The following PCDH15 variants were observed in gnomAD, a reference collection of about 807,000 sequenced individuals.
PCDH15 encodes protocadherin-15.
In PCDH15, 129 loss-of-function variants were observed where a neutral mutation model predicts 178.5. The observed-to-expected ratio is 0.72, with a 90% CI of 0.63 to 0.84. The LOEUF (loss-of-function observed/expected upper bound fraction) is 0.84, where lower values mean the gene tolerates loss of function less well. Among genes scored for constraint, PCDH15 ranks in the 40% least tolerant of loss-of-function variants. The pLI is 0.00. For missense variants in PCDH15, 2,230 were observed against 2,099.9 expected (o/e 1.06, Z -1.21); for synonymous variants, 800 against 732.0 (o/e 1.09, Z -1.50).
At chr10:55,273,626 G>T (rs1842507113) in intron 1 of PCDH15, among the ~76,000 whole-genome samples, 1 of 151,862 alleles carries the variant, frequency 6.6e-6, no homozygotes, top group Admixed American at 6.6e-5. Context: ...TTTTAAAGCT[G>T]CTAAGTTATT....
chr10:54,099,509 AAAAAAT>A (rs2094766520), intron 15 of PCDH15, among the ~76,000 whole-genome samples: 1 of 131,250 alleles, frequency 7.6e-6, no homozygotes, highest in Admixed American at 7.6e-5. Context: ...AAAAAAAAAA[AAAAAAT>A]ATATATATAT....
At chr10:54,369,010 C>A in intron 5 of PCDH15, 110 bp downstream of exon 5, 1 of 1,238,608 alleles carries the variant, frequency 8.1e-7, no homozygotes, top group Non-Finnish European at 1.2e-6. Context: ...CTTGATATTT[C>A]TAAACAGTTA....
intron 20 of PCDH15, among the ~76,000 whole-genome samples, chr10:54,017,020 A>G (rs1264283422): frequency 1.3e-5 from 2 of 151,180 alleles, no homozygotes; most frequent in Non-Finnish European, 2.9e-5. Flanking sequence ...AAGATATAAC[A>G]TTTATTTTAT....
chr10:54,174,625 T>A (rs1389170182), intron 13 of PCDH15, among the ~76,000 whole-genome samples: 3 of 151,924 alleles, frequency 2.0e-5, no homozygotes, highest in Admixed American at 6.6e-5. Flanking sequence ...AATGAGTATG[T>A]TTCAAGAATA....
At chr10:54,293,977 C>T (rs1471476153) in intron 8 of PCDH15, among the ~76,000 whole-genome samples, 2 of 152,066 alleles carry the variant, frequency 1.3e-5, no homozygotes, top group Admixed American at 1.3e-4. Flanking sequence ...GATATATACC[C>T]AAAGGATTAT....
At chr10:55,454,236 A>C (rs931224230) in intron 2 of PCDH15, among the ~76,000 whole-genome samples, 1 of 152,138 alleles carries the variant, frequency 6.6e-6, no homozygotes, top group African/African-American at 2.4e-5. Context: ...TTCAGAATAC[A>C]TGCAAAGTAA....
At chr10:54,076,568 C>A (rs539263186) in intron 17 of PCDH15, among the ~76,000 whole-genome samples, 12 of 151,550 alleles carry the variant, frequency 7.9e-5, no homozygotes, top group Admixed American at 2.0e-4. Flanking sequence ...TGTTCTGAAT[C>A]TTCAAAAAAA....
chr10:53,963,211 T>C (rs377352295), intron 21 of PCDH15, among the ~76,000 whole-genome samples: 45 of 152,234 alleles, frequency 3.0e-4, no homozygotes, highest in African/African-American at 4.1e-4. Flanking sequence ...TGAATTACAG[T>C]TGGGCTATGA....
Position 55,070,971 on chromosome 10 carries a change from T to A in PCDH15, c.-80+95605A>T, listed in dbSNP as rs1011091399. Among the ~76,000 whole-genome samples the A allele has an allele frequency of 2.0e-5, 3 of 152,048 alleles. No homozygotes were observed. The South Asian group carries it at 6.2e-4, about 32-fold the overall frequency. ...ATTTCATTGAGCAGTGGTTTGTAGT[T>A]CTCCTTGAAGAGTATCCAGCCAAAC... On this transcript the variant is annotated intron_variant, in intron 2 of 5. Coordinates refer to the PCDH15 transcript ENST00000458638.
intron 37 of PCDH15, chr10:53,808,887 G>T (rs754285673): frequency 6.3e-7 from 1 of 1,595,680 alleles, no homozygotes. Flanking sequence ...ATTCTGCACT[G>T]CCCTCTTCAG....
At position 55,016,096 on chromosome 10, in the gene PCDH15, TTTAA is replaced by T. The variant is rs1167741904; in HGVS notation, c.-79-118600_-79-118597del. Among the ~76,000 whole-genome samples the T allele has an allele frequency of 8.9e-3, 633 of 71,292 alleles. 3 individuals carry two copies. Among genetic ancestry groups the T allele is most frequent in the African/African-American group, 0.038 (569 of 14,932 alleles). 46.8% of individuals were successfully genotyped at this position (71,292 alleles called of 152,430 possible). A position where few individuals can be genotyped will look rare whatever the true frequency, so the allele number is the denominator to read the frequency against. ...TTAACCACCTCAATGACCTTTTTTT[TTTAA>T]AAAAAAAAAAAAAAAAAAAGACTGT... On this transcript the variant is annotated intron_variant, in intron 2 of 5. Coordinates refer to the PCDH15 transcript ENST00000458638.
At chr10:53,995,541 G>A (rs1418393037) in intron 21 of PCDH15, 108 bp downstream of exon 21, 2 of 1,595,714 alleles carry the variant, frequency 1.3e-6, no homozygotes. Context: ...GAATAAATAG[G>A]GTGAAATTTA....
At chr10:54,954,452 C>T (rs977323772) in intron 2 of PCDH15, among the ~76,000 whole-genome samples, 3 of 151,234 alleles carry the variant, frequency 2.0e-5, no homozygotes, top group South Asian at 2.1e-4. Context: ...TCCCTTCTTA[C>T]GCTCTTCTTA....
chr10:55,037,723 T>G (rs1229961150), intron 2 of PCDH15, among the ~76,000 whole-genome samples: 2 of 152,214 alleles, frequency 1.3e-5, no homozygotes, highest in Non-Finnish European at 2.9e-5. Context: ...CTTTTATTTG[T>G]GACTCTTAAG....
chr10:55,435,403 A>C (rs1839015073), intron 2 of PCDH15, among the ~76,000 whole-genome samples: 1 of 152,184 alleles, frequency 6.6e-6, no homozygotes, highest in African/African-American at 2.4e-5. Flanking sequence ...AAATTAGCAA[A>C]TAGTTAATTA....
intron 3 of PCDH15, among the ~76,000 whole-genome samples, chr10:54,475,333 A>G (rs1270583737): frequency 6.6e-6 from 1 of 152,004 alleles, no homozygotes; most frequent in Non-Finnish European, 1.5e-5. Context: ...ATGACCAGCC[A>G]TCTTAATTTA....
chr10:55,217,630 T>C (rs1238191856), intron 1 of PCDH15, among the ~76,000 whole-genome samples: 2 of 151,852 alleles, frequency 1.3e-5, no homozygotes, highest in Non-Finnish European at 1.5e-5. Context: ...TGAATCATAA[T>C]AGAACAGCTT....
At chr10:54,786,771 T>C (rs549209990) in intron 1 of PCDH15, among the ~76,000 whole-genome samples, 11 of 151,936 alleles carry the variant, frequency 7.2e-5, no homozygotes, top group African/African-American at 2.7e-4. Flanking sequence ...TGACTTTAGG[T>C]TTTCTTCTTA....
At chr10:53,824,571 G>A (rs2076545753) in intron 32 of PCDH15, among the ~76,000 whole-genome samples, 1 of 152,108 alleles carries the variant, frequency 6.6e-6, no homozygotes, top group African/African-American at 2.4e-5. Context: ...AGGTAGACCT[G>A]GAGCATCAAG....
Sources: gnomAD v4.1 joint callset for allele counts (sites outside exome capture counted in the v4.1 genomes callset) on GRCh38, gnomAD v4.1.1 for gene constraint, MANE v1.5 for transcripts, NCBI Gene and HGNC (gene_info 2026-07-23, HGNC 2026-07-21) for gene names.